Variants in KCNH7 observed in about 807,000 individuals in gnomAD.
KCNH7 encodes voltage-gated inwardly rectifying potassium channel KCNH7.
KCNH7 carries 49 observed loss-of-function variants against 120.8 expected under a neutral mutation model. The observed-to-expected ratio is 0.41, with a 90% CI of 0.32 to 0.51. The LOEUF (loss-of-function observed/expected upper bound fraction) is 0.51. Ranked by LOEUF, KCNH7 falls within the 20% of genes least tolerant of loss-of-function variation. The pLI is 0.38. For synonymous variants in KCNH7, 547 were observed against 516.1 expected (o/e 1.06, Z -0.81); for missense variants, 1,097 against 1,446.6 (o/e 0.76, Z 3.92).
chr2:162,631,899 T>C (rs571026603), intron 2 of KCNH7, among the ~76,000 whole-genome samples: 175 of 152,134 alleles, frequency 1.2e-3, no homozygotes, highest in African/African-American at 4.0e-3. Flanking sequence ...AAAAATTTAA[T>C]GAAGATTATC....
Position 162,561,686 on chromosome 2 carries a change from T to C in KCNH7, c.308-24606A>G, listed in dbSNP as rs1272083869. ...CATATGTTCGTTGGTTGCATAAATG[T>C]CTTCTTTTGAGAAGTGTCTGTTCAT... On this transcript the variant is annotated intron_variant, in intron 2 of 15. Coordinates refer to ENST00000332142, the MANE Select transcript of KCNH7 (RefSeq NM_033272.4). Among the ~76,000 whole-genome samples, 3 of 152,180 alleles carry C rather than the reference T, an allele frequency of 2.0e-5. No homozygotes were observed. In the East Asian group the frequency reaches 5.8e-4, roughly 29 times the overall value.
At chr2:162,688,407 T>C (rs1274236701) in intron 2 of KCNH7, among the ~76,000 whole-genome samples, 1 of 152,112 alleles carries the variant, frequency 6.6e-6, no homozygotes, top group East Asian at 1.9e-4. Flanking sequence ...TAGAATTCTC[T>C]TGTGTCACTC....
At chr2:162,740,804 C>T (rs1336852878) in intron 2 of KCNH7, among the ~76,000 whole-genome samples, 2 of 152,182 alleles carry the variant, frequency 1.3e-5, no homozygotes, top group East Asian at 3.9e-4. Flanking sequence ...AGTCCCTCAA[C>T]TGCAATTTCC....
chr2:162,782,917 T>C (rs556374902), intron 2 of KCNH7, among the ~76,000 whole-genome samples: 1 of 152,080 alleles, frequency 6.6e-6, no homozygotes, highest in Admixed American at 6.6e-5. Context: ...TATGTGAGAT[T>C]GGGGAGGTGA....
chr2:162,835,015 G>T (rs1201322925), intron 2 of KCNH7, among the ~76,000 whole-genome samples: 3 of 151,968 alleles, frequency 2.0e-5, no homozygotes, highest in South Asian at 2.1e-4. Context: ...TATTCCAAAC[G>T]TCCAGATTGT....
chr2:162,549,396 G>A (rs1362255951), intron 2 of KCNH7, among the ~76,000 whole-genome samples: 2 of 152,186 alleles, frequency 1.3e-5, no homozygotes, highest in African/African-American at 4.8e-5. Context: ...AACACCAATG[G>A]TTCCTTCTTT....
At chr2:162,834,046 T>C (rs573311298) in intron 2 of KCNH7, among the ~76,000 whole-genome samples, 2 of 152,280 alleles carry the variant, frequency 1.3e-5, no homozygotes, top group East Asian at 1.9e-4. Context: ...ACGGAAACTT[T>C]GAGAAACAAA....
chr2:162,590,551 G>T (rs1039628700), intron 2 of KCNH7, among the ~76,000 whole-genome samples: 1 of 152,024 alleles, frequency 6.6e-6, no homozygotes, highest in African/African-American at 2.4e-5. Context: ...ATAGCAAAGG[G>T]AAATAAATGA....
At chr2:162,402,050 G>C (rs1687077200) in intron 9 of KCNH7, among the ~76,000 whole-genome samples, 2 of 151,538 alleles carry the variant, frequency 1.3e-5, no homozygotes, top group Non-Finnish European at 2.9e-5. Flanking sequence ...GCCTCCCTTT[G>C]ATAAGAGTTT....
rs554212814 is a variant in KCNH7 at position 162,678,499 on chromosome 2, G to C, written c.308-141419C>G. Among the ~76,000 whole-genome samples, 30 of 151,460 alleles carry C rather than the reference G, an allele frequency of 2.0e-4. 1 individual carries two copies. The South Asian group carries it at 5.8e-3, about 29-fold the overall frequency. The stretch of plus-strand genomic sequence containing the variant: ...TCCTCATGGTGACTCCACACATATT[G>C]GACAGAAGGGCCTTGTATAAAGTCT... On this transcript the variant is annotated intron_variant, in intron 2 of 15. Transcript: ENST00000332142.
chr2:162,651,759 T>C (rs1371431193), intron 2 of KCNH7, among the ~76,000 whole-genome samples: 1 of 152,148 alleles, frequency 6.6e-6, no homozygotes, highest in African/African-American at 2.4e-5. Context: ...TCTGCTTTTA[T>C]CTCTTTGAGG....
chr2:162,809,358 T>A (rs1684653898), intron 2 of KCNH7, among the ~76,000 whole-genome samples: 1 of 152,198 alleles, frequency 6.6e-6, no homozygotes, highest in Non-Finnish European at 1.5e-5. Flanking sequence ...TTATGAAGAA[T>A]TAGATTATTC....
chr2:162,672,223 A>G (rs1405279809), intron 2 of KCNH7, among the ~76,000 whole-genome samples: 3 of 152,120 alleles, frequency 2.0e-5, no homozygotes, highest in Non-Finnish European at 4.4e-5. Flanking sequence ...GCCAATATCT[A>G]CATGGAATAT....
intron 2 of KCNH7, among the ~76,000 whole-genome samples, chr2:162,586,631 T>A (rs6721065): frequency 0.044 from 6,622 of 151,384 alleles, 292 homozygotes; most frequent in East Asian, 0.11. Flanking sequence ...ACTGATGCAG[T>A]AAATAACTGA....
At position 162,440,382 on chromosome 2, in the gene KCNH7, C is replaced by T. The variant is rs79657611; in HGVS notation, c.1555-4785G>A. On this transcript the variant is annotated intron_variant, in intron 7 of 15. Transcript: ENST00000332142. ...GGGTGCAAGTGGGGAAATGTTAACA[C>T]GAGATAAGTAATAAATTTCATTACT... Among the ~76,000 whole-genome samples the T allele has an allele frequency of 4.6e-3, 700 of 151,942 alleles. 6 individuals are homozygous for T. The highest frequency in any genetic ancestry group is 7.0e-3 in the Non-Finnish European group (476 of 67,838).
chr2:162,376,414 G>A (rs1287111971), intron 14 of KCNH7, among the ~76,000 whole-genome samples: 1 of 150,718 alleles, frequency 6.6e-6, no homozygotes, highest in African/African-American at 2.4e-5. Flanking sequence ...CGCCCAGGCT[G>A]GAGTGCAGTA....
At chr2:162,497,927 T>C (rs1690549490) in intron 6 of KCNH7, among the ~76,000 whole-genome samples, 1 of 152,190 alleles carries the variant, frequency 6.6e-6, no homozygotes, top group South Asian at 2.1e-4. Context: ...GGGAATCTAT[T>C]ATGGCTCTAA....
chr2:162,825,284 G>A (rs1016108088), intron 2 of KCNH7, among the ~76,000 whole-genome samples: 1 of 151,820 alleles, frequency 6.6e-6, no homozygotes, highest in Non-Finnish European at 1.5e-5. Flanking sequence ...TACTTAGCAT[G>A]TTTTTTTAAT....
intron 2 of KCNH7, among the ~76,000 whole-genome samples, chr2:162,792,708 A>T (rs371916763): frequency 1.5e-3 from 173 of 116,822 alleles, no homozygotes; most frequent in Admixed American, 2.3e-3. Flanking sequence ...CAAGCAGCTT[A>T]TTTTTTTTTT....
Sources: gnomAD v4.1 joint callset for allele counts (sites outside exome capture counted in the v4.1 genomes callset) on GRCh38, gnomAD v4.1.1 for gene constraint, MANE v1.5 for transcripts, NCBI Gene and HGNC (gene_info 2026-07-23, HGNC 2026-07-21) for gene names.